KDM6A: variants seen among roughly 807,000 people sequenced by gnomAD.
KDM6A encodes the protein lysine demethylase 6A.
A neutral mutation model predicts 117.6 loss-of-function variants in KDM6A; 11 were observed. That is an observed-to-expected ratio of 0.09 (90% confidence interval 0.06 to 0.15). KDM6A has a LOEUF of 0.15. Ranked by LOEUF, KDM6A falls within the 10% of genes least tolerant of loss-of-function variation. The probability of loss-of-function intolerance (pLI) is 1.00; values close to 1 mark genes in which losing one functional copy is unlikely to be tolerated. For missense variants in KDM6A, 799 were observed against 1,077.3 expected, an observed-to-expected ratio of 0.74 and a Z score of 3.62; for synonymous variants, 384 against 396.1, an observed-to-expected ratio of 0.97 and a Z score of 0.36.
rs187932972 is a variant in KDM6A, at chrX:45,108,360, C to T, written c.4161+824C>T. ...TCTAGGTGGCATTTAATTTATAGCA[C>T]ATCTTGAATGGTTTTAAGGAATTTG... On this transcript the variant is annotated intron_variant, in intron 28 of 29. Coordinates refer to ENST00000611820, the MANE Select transcript of KDM6A (RefSeq NM_001291415.2). Among the ~76,000 whole-genome samples the T allele has an allele frequency of 8.1e-5, 9 of 111,770 alleles. No homozygotes were observed. The East Asian group carries it at 2.5e-3, about 31-fold the overall frequency.
chrX:44,922,405 C>T (rs774995152), intron 2 of KDM6A, among the ~76,000 whole-genome samples: 4 of 110,532 alleles, frequency 3.6e-5, no homozygotes, highest in African/African-American at 9.9e-5. Context: ...TGTGCTTATT[C>T]GCCATCTGTA....
At chrX:45,021,952 T>C (rs1239883848) in intron 6 of KDM6A, among the ~76,000 whole-genome samples, 1 of 112,295 alleles carries the variant, frequency 8.9e-6, no homozygotes, top group Non-Finnish European at 1.9e-5. Flanking sequence ...TTTATAAAGC[T>C]GCCTCACATT....
intron 2 of KDM6A, among the ~76,000 whole-genome samples, chrX:44,884,855 AC>A (rs1569343104): frequency 8.9e-6 from 1 of 111,782 alleles, no homozygotes; most frequent in Non-Finnish European, 1.9e-5. Context: ...TTGACTGCCT[AC>A]TTGACTACCT....
At chrX:45,072,601 C>T (rs896701742) in intron 18 of KDM6A, among the ~76,000 whole-genome samples, 4 of 109,602 alleles carry the variant, frequency 3.6e-5, no homozygotes, top group African/African-American at 1.0e-4. Context: ...GGCCTCTGTC[C>T]TGTTTCCTAG....
At position 45,075,411 on chromosome X, in the gene KDM6A, T is replaced by C. The variant is rs184950408; in HGVS notation, c.2859-1286T>C. Reference sequence around the variant, plus strand: ...TTTGTGGAAAGAGATTGAAAACTAGTTTTGGACAGAAAATTTATTCAACCT... The same window carrying C: ...TTTGTGGAAAGAGATTGAAAACTAGCTTTGGACAGAAAATTTATTCAACCT... On this transcript the variant is annotated intron_variant, in intron 18 of 29. Transcript: ENST00000611820. 1.5e-4 allele frequency among the ~76,000 whole-genome samples: 17 copies of C among 111,810 alleles called. No homozygotes were observed. The East Asian group carries it at 3.9e-3, about 26-fold the overall frequency.
intron 2 of KDM6A, among the ~76,000 whole-genome samples, chrX:44,953,643 C>T (rs886469133): frequency 4.5e-5 from 5 of 111,296 alleles, no homozygotes; most frequent in African/African-American, 1.6e-4. Flanking sequence ...TGGAACTGGG[C>T]GGCTGGGGTC....
chrX:44,935,670 C>CT (rs1249221332), intron 2 of KDM6A, among the ~76,000 whole-genome samples: 3 of 111,208 alleles, frequency 2.7e-5, no homozygotes, highest in Non-Finnish European at 5.7e-5. Context: ...GTTTCAGAGT[C>CT]TATCTACTAC....
chrX:44,876,506 G>A (rs1198390160), intron 2 of KDM6A, among the ~76,000 whole-genome samples: 1 of 110,056 alleles, frequency 9.1e-6, no homozygotes, highest in Admixed American at 9.9e-5. Flanking sequence ...AAAGTCTTAA[G>A]AGTTGGCTTT....
At position 45,059,485 on chromosome X, in the gene KDM6A, A is replaced by G. The variant is rs1178306988; in HGVS notation, c.1194+19A>G. 1 of 1,084,250 alleles carries G rather than the reference A, an allele frequency of 9.2e-7. No homozygotes were observed. The highest frequency in any genetic ancestry group is 1.3e-6 in the Non-Finnish European group (1 of 786,388). 89.4% of individuals were successfully genotyped at this position (1,084,250 alleles called of 1,213,427 possible). The stretch of plus-strand genomic sequence containing the variant: ...TTTACAGGTAAAATTTTTAAATGGC[A>G]GTTTTTTAAAGCCACATATTTCCCC... On this transcript the variant is annotated intron_variant, in intron 12 of 29. Transcript: ENST00000611820.
intron 8 of KDM6A, among the ~76,000 whole-genome samples, chrX:45,048,925 A>T (rs1438890197): frequency 9.1e-6 from 1 of 109,770 alleles, no homozygotes; most frequent in African/African-American, 3.4e-5. Context: ...TAATTAATGT[A>T]CTACTATAAG....
At chrX:45,041,451 C>T (rs1175547821) in intron 8 of KDM6A, among the ~76,000 whole-genome samples, 1 of 106,451 alleles carries the variant, frequency 9.4e-6, no homozygotes, top group Non-Finnish European at 1.9e-5. Flanking sequence ...ACCTCCCTCC[C>T]GGACGGGGTG....
chrX:45,001,214 C>T (rs946418806), intron 4 of KDM6A, among the ~76,000 whole-genome samples: 1 of 111,289 alleles, frequency 9.0e-6, no homozygotes, highest in African/African-American at 3.3e-5. Flanking sequence ...ACCATAAAAC[C>T]GGCTTAAAGA....
chrX:45,048,850 A>G (rs1190281353), intron 8 of KDM6A, among the ~76,000 whole-genome samples: 1 of 106,113 alleles, frequency 9.4e-6, no homozygotes, highest in Non-Finnish European at 1.9e-5. Context: ...GTCAGAGGCA[A>G]AACTTCTACT....
intron 2 of KDM6A, among the ~76,000 whole-genome samples, chrX:44,932,084 CTTTTTTTT>C (rs796121677): frequency 2.9e-4 from 5 of 17,076 alleles, no homozygotes; most frequent in African/African-American, 1.1e-3. Context: ...TCTAGGTAGC[CTTTTTTTT>C]TTTTTTTTTT....
rs2031156846 is a variant in KDM6A at position 44,873,962 on chromosome X, C to T, written c.200C>T (p.Ala67Val). Residue 67 changes from alanine (A) to valine (V), a missense_variant, in exon 2 of 30, where the codon GCC becomes GTC. Ala to Val is a moderately conservative substitution (Grantham distance 64). This residue lies in a region of KDM6A where 89 missense variants were observed against 117.8 expected (regional missense o/e 0.76). Transcript: ENST00000611820. ...FGFVRFHEDGARTKALLGKAV... is the reference protein window; with the variant it reads ...FGFVRFHEDGVRTKALLGKAV... ...TTCGTGAGATTTCATGAAGATGGCG[C>T]CAGGACGAAGGCCCTACTGGGCAAG... 8.3e-7 allele frequency: 1 copy of T among 1,211,275 alleles called. No homozygotes were observed. Among genetic ancestry groups the T allele is most frequent in the African/African-American group, 1.7e-5 (1 of 57,909 alleles).
intron 2 of KDM6A, among the ~76,000 whole-genome samples, chrX:44,885,428 T>C (rs2032767075): frequency 9.0e-6 from 1 of 111,265 alleles, no homozygotes; most frequent in African/African-American, 3.3e-5. Flanking sequence ...CATGCAATTT[T>C]TTGAATATAG....
intron 4 of KDM6A, among the ~76,000 whole-genome samples, chrX:44,976,291 T>C (rs2147271960): frequency 9.0e-6 from 1 of 111,720 alleles, no homozygotes; most frequent in African/African-American, 3.3e-5. Context: ...TAATATATGG[T>C]CTTTTGTGGC....
intron 21 of KDM6A, among the ~76,000 whole-genome samples, chrX:45,081,595 C>G (rs1236031697): frequency 9.0e-6 from 1 of 110,996 alleles, no homozygotes; most frequent in Non-Finnish European, 1.9e-5. Context: ...CATACATACA[C>G]CTCTGCTAGC....
At chrX:44,989,490 C>T (rs1019756755) in intron 4 of KDM6A, among the ~76,000 whole-genome samples, 6 of 110,045 alleles carry the variant, frequency 5.5e-5, no homozygotes, top group Admixed American at 1.9e-4. Context: ...TCTTCTGTGT[C>T]GCTCACACTG....
Sources: allele counts gnomAD v4.1 joint callset (sites outside exome capture counted in the v4.1 genomes callset), GRCh38; gene constraint gnomAD v4.1.1; regional missense constraint gnomAD v4.1.1; transcripts MANE v1.5; gene names NCBI Gene and HGNC (gene_info 2026-07-23, HGNC 2026-07-21).